Variants in SATB2 observed in about 807,000 individuals in gnomAD.
The protein encoded by SATB2 is SATB homeobox 2.
Under a neutral mutation model 73.4 loss-of-function variants are expected in SATB2, and 1 was observed. The ratio of observed to expected loss-of-function variants is 0.01; its 90% CI spans 0.00 to 0.06. The LOEUF is 0.06. SATB2 is among the 10% of genes least tolerant of loss of function. The probability of loss-of-function intolerance (pLI) is 1.00; values close to 1 mark genes in which losing one functional copy is unlikely to be tolerated. For missense variants in SATB2, 459 were observed against 945.8 expected, an observed-to-expected ratio of 0.49 and a Z score of 6.75; for synonymous variants, 397 against 367.0, an observed-to-expected ratio of 1.08 and a Z score of -0.93.
At chr2:199,444,505 ATTAT>A (rs1200677062) in intron 2 of SATB2, among the ~76,000 whole-genome samples, 2 of 152,226 alleles carry the variant, frequency 1.3e-5, no homozygotes, top group Non-Finnish European at 2.9e-5. Flanking sequence ...TGGTTCATAA[ATTAT>A]TTAAGGATAA....
upstream of SATB2, among the ~76,000 whole-genome samples, chr2:199,462,162 G>T (rs1692490509): frequency 6.6e-6 from 1 of 152,216 alleles, no homozygotes; most frequent in African/African-American, 2.4e-5. This position sits in a 1 kb window ranked among gnomAD's most constrained non-coding sequence, Gnocchi z 5.9. Context: ...CCTGGAACAC[G>T]CAGGGAAAAC....
At chr2:199,460,522 G>A (rs1452669912), upstream of SATB2, 1 of 152,368 alleles carries the variant, frequency 6.6e-6, no homozygotes, top group Non-Finnish European at 1.5e-5. This position sits in a 1 kb window ranked among gnomAD's most constrained non-coding sequence, Gnocchi z 4.0. Flanking sequence ...GATATTAGGA[G>A]TTCAGTACTT....
intron 9 of SATB2, among the ~76,000 whole-genome samples, chr2:199,321,088 G>A (rs958777757): frequency 5.9e-5 from 9 of 151,996 alleles, no homozygotes; most frequent in Non-Finnish European, 1.2e-4. Flanking sequence ...AATAAAAGGA[G>A]GGAAGAAAAT....
chr2:199,402,215 T>G (rs1035676109), intron 3 of SATB2, among the ~76,000 whole-genome samples: 1 of 152,014 alleles, frequency 6.6e-6, no homozygotes, highest in African/African-American at 2.4e-5. Flanking sequence ...TGAAACCCCG[T>G]CTCTACTAAA....
chr2:199,372,707 A>G (rs967872818), intron 5 of SATB2, among the ~76,000 whole-genome samples: 2 of 152,186 alleles, frequency 1.3e-5, no homozygotes, highest in African/African-American at 4.8e-5. Flanking sequence ...CAGCGACCCC[A>G]AGCTCAACAG....
chr2:199,287,958 T>C (rs911945926), intron 10 of SATB2, among the ~76,000 whole-genome samples: 1 of 152,098 alleles, frequency 6.6e-6, no homozygotes, highest in Non-Finnish European at 1.5e-5. Flanking sequence ...TGGAGAAAAA[T>C]ACAAAATTAT....
At chr2:199,432,652 G>T (rs1691536214) in intron 3 of SATB2, among the ~76,000 whole-genome samples, 1 of 151,814 alleles carries the variant, frequency 6.6e-6, no homozygotes, top group African/African-American at 2.4e-5. Flanking sequence ...ATCACTCAAG[G>T]TTTGGGGAGA....
Position 199,396,700 on chromosome 2 carries a change from A to G in SATB2, c.347-14880T>C, listed in dbSNP as rs544070882. 4 of 152,266 alleles carry G rather than the reference A, an allele frequency of 2.6e-5. No individual in the cohort carries two copies. In the South Asian group the frequency reaches 8.3e-4, roughly 32 times the overall value. The allele number at this position is 152,266 out of a possible 1,614,324, so 9.4% of individuals were successfully genotyped here. A position where few individuals can be genotyped will look rare whatever the true frequency, so the allele number is the denominator to read the frequency against. ...CTGACCCACGGTTATTAGTGAAAATATCACTTTTGTTGTTACCTTATTCCC... is the reference window on the plus strand; with the variant it reads ...CTGACCCACGGTTATTAGTGAAAATGTCACTTTTGTTGTTACCTTATTCCC... On this transcript the variant is annotated intron_variant, in intron 3 of 10. Coordinates refer to ENST00000417098, the MANE Select transcript of SATB2 (RefSeq NM_001172509.2).
chr2:199,329,800 T>C (rs932462393), intron 7 of SATB2, among the ~76,000 whole-genome samples: 3 of 152,208 alleles, frequency 2.0e-5, no homozygotes, highest in South Asian at 4.1e-4. Flanking sequence ...AAAAGTAGTA[T>C]GGACTCCAGA....
At chr2:199,347,228 T>C (rs1688680686) in intron 7 of SATB2, 1 of 152,212 alleles carries the variant, frequency 6.6e-6, no homozygotes, top group South Asian at 2.1e-4. Context: ...TTCCAAATTA[T>C]TGAGGTTTCA....
intron 10 of SATB2, among the ~76,000 whole-genome samples, chr2:199,292,423 A>C (rs1039372565): frequency 1.3e-5 from 2 of 152,226 alleles, no homozygotes; most frequent in Non-Finnish European, 2.9e-5. Flanking sequence ...TATTCAAGCC[A>C]TGTACCTGCT....
chr2:199,468,192 G>A (rs1356467334), upstream of SATB2: 5 of 152,028 alleles, frequency 3.3e-5, no homozygotes, highest in Admixed American at 1.3e-4. Flanking sequence ...CTGAGAGCTT[G>A]GCAGGGTCAG....
At chr2:199,390,242 T>A (rs992411585) in intron 3 of SATB2, among the ~76,000 whole-genome samples, 4 of 152,098 alleles carry the variant, frequency 2.6e-5, no homozygotes, top group African/African-American at 9.7e-5. Context: ...AAAAATGTGG[T>A]TGGTGTTTAG....
Position 199,308,839 on chromosome 2 carries a change from A to G in SATB2, c.1661T>C (p.Val554Ala). Residue 554 changes from valine (V) to alanine (A), a missense_variant, in exon 10 of 11, where the codon GTC (valine) becomes GCC (alanine). This residue lies in a region of SATB2 where 74 missense variants were observed against 136.1 expected (regional missense o/e 0.54). Transcript: ENST00000417098. This position sits in a 1 kb window ranked among gnomAD's most constrained non-coding sequence, Gnocchi z 4.6. Reference sequence around the variant, plus strand: ...ATGCCTTGACTCCTCCTCATAGATGACATCCCTCTCATGCTGGGGAAGGTT... The same window carrying G: ...ATGCCTTGACTCCTCCTCATAGATGGCATCCCTCTCATGCTGGGGAAGGTT... ...FLNLPQHERDVIYEEESRHHH... is the reference protein window; with the variant it reads ...FLNLPQHERDAIYEEESRHHH... 6.2e-7 allele frequency: 1 copy of G among 1,614,102 alleles called. No individual in the cohort carries two copies. Among genetic ancestry groups the G allele is most frequent in the Non-Finnish European group, 8.5e-7 (1 of 1,179,986 alleles).
chr2:199,309,643 T>C (rs1389328594), intron 9 of SATB2, among the ~76,000 whole-genome samples: 2 of 152,202 alleles, frequency 1.3e-5, no homozygotes, highest in Admixed American at 6.5e-5. Flanking sequence ...CTCTTGCAAC[T>C]GCATGAGAAA....
chr2:199,444,391 C>T (rs553896703), intron 2 of SATB2, among the ~76,000 whole-genome samples: 3 of 152,208 alleles, frequency 2.0e-5, no homozygotes, highest in Admixed American at 6.5e-5. Context: ...GTCTACCTTC[C>T]TCAAAGCAAA....
At chr2:199,335,047 A>G (rs899147366) in intron 7 of SATB2, among the ~76,000 whole-genome samples, 2 of 152,102 alleles carry the variant, frequency 1.3e-5, no homozygotes, top group Non-Finnish European at 2.9e-5. Flanking sequence ...CCCACACCCC[A>G]GAGCATTGCT....
intron 2 of SATB2, among the ~76,000 whole-genome samples, chr2:199,437,195 C>G (rs557877583): frequency 9.2e-5 from 14 of 152,274 alleles, no homozygotes; most frequent in Admixed American, 8.5e-4. Context: ...ACCTTCTGAT[C>G]ATAAGCCTTA....
At chr2:199,307,112 G>T (rs1687454601) in intron 10 of SATB2, among the ~76,000 whole-genome samples, 1 of 151,828 alleles carries the variant, frequency 6.6e-6, no homozygotes, top group Non-Finnish European at 1.5e-5. Context: ...AAAAAAAAAA[G>T]CAGTGGAGAT....
Sources: allele counts gnomAD v4.1 joint callset (sites outside exome capture counted in the v4.1 genomes callset), GRCh38; gene constraint gnomAD v4.1.1; regional missense constraint gnomAD v4.1.1; non-coding constraint Gnocchi (gnomAD v3.1); transcripts MANE v1.5; gene names NCBI Gene and HGNC (gene_info 2026-07-23, HGNC 2026-07-21).